ATG7: variants seen among roughly 807,000 people sequenced by gnomAD.
The protein encoded by ATG7 is ubiquitin-like modifier-activating enzyme ATG7.
In ATG7, 70 loss-of-function variants were observed where a neutral mutation model predicts 82.4. The observed-to-expected ratio is 0.85, with a 90% CI of 0.70 to 1.04. The LOEUF is 1.04. Among genes scored for constraint, ATG7 ranks in the 50% least tolerant of loss-of-function variants. The pLI is 0.00. For missense variants in ATG7, 792 were observed against 864.3 expected (o/e 0.92, Z 1.05); for synonymous variants, 287 against 313.0 (o/e 0.92, Z 0.88).
intron 3 of ATG7, among the ~76,000 whole-genome samples, chr3:11,284,446 C>T (rs1186468233): frequency 6.6e-6 from 1 of 152,156 alleles, no homozygotes; most frequent in Non-Finnish European, 1.5e-5. Context: ...TGCTTTTTAC[C>T]AAAGCTAAAT....
intron 9 of ATG7, among the ~76,000 whole-genome samples, chr3:11,316,508 G>T (rs1250785140): frequency 6.6e-6 from 1 of 152,164 alleles, no homozygotes; most frequent in Non-Finnish European, 1.5e-5. Context: ...TTATCATGGT[G>T]TGGCCATATA....
At chr3:11,341,985 C>T (rs1953715399) in intron 12 of ATG7, 150 bp from the exon 13 acceptor site, 6 of 940,766 alleles carry the variant, frequency 6.4e-6, no homozygotes, top group Middle Eastern at 3.4e-4. Flanking sequence ...AAGCTTTCTC[C>T]TCCCTGCTTA....
At chr3:11,361,972 G>A (rs1456497057) in intron 16 of ATG7, among the ~76,000 whole-genome samples, 2 of 152,156 alleles carry the variant, frequency 1.3e-5, no homozygotes, top group Non-Finnish European at 2.9e-5. Context: ...TCTTTTGGAT[G>A]ACTGGCTTTT....
chr3:11,303,609 A>C (rs1481321068), intron 5 of ATG7, among the ~76,000 whole-genome samples: 2 of 151,340 alleles, frequency 1.3e-5, no homozygotes. Context: ...CGGAGCTTGC[A>C]GTGAGCCGAG....
intron 6 of ATG7, 38 bp from the exon 7 acceptor site, chr3:11,308,946 C>T: frequency 6.4e-7 from 1 of 1,571,566 alleles, no homozygotes; most frequent in African/African-American, 1.3e-5. Context: ...CTCAGAGATG[C>T]CTGGTAACCT....
chr3:11,308,182 A>G (rs1948069065), intron 6 of ATG7, among the ~76,000 whole-genome samples: 1 of 152,178 alleles, frequency 6.6e-6, no homozygotes, highest in East Asian at 1.9e-4. Flanking sequence ...CTGCTTACTT[A>G]TTTCCCTCTT....
intron 5 of ATG7, among the ~76,000 whole-genome samples, chr3:11,302,692 C>T (rs1946980020): frequency 6.6e-6 from 1 of 152,160 alleles, no homozygotes; most frequent in African/African-American, 2.4e-5. Flanking sequence ...ACAGAATGTG[C>T]TAGGTGCTGG....
At chr3:11,299,480 C>T in intron 5 of ATG7, 64 bp downstream of exon 5, 2 of 1,507,526 alleles carry the variant, frequency 1.3e-6, no homozygotes, top group Admixed American at 1.7e-5. Context: ...AATAAGCATG[C>T]TTGCCTCCCT....
intron 20 of ATG7, among the ~76,000 whole-genome samples, chr3:11,554,530 G>A (rs983706656): frequency 6.6e-6 from 1 of 152,266 alleles, no homozygotes. Context: ...GGTCAGGGAC[G>A]GTCCCCCGAG....
At chr3:11,373,792 T>C (rs2077199701) in intron 18 of ATG7, among the ~76,000 whole-genome samples, 1 of 152,208 alleles carries the variant, frequency 6.6e-6, no homozygotes. Context: ...GTAAGTAAGG[T>C]GCAACTTCTG....
intron 2 of ATG7, among the ~76,000 whole-genome samples, chr3:11,281,429 G>A (rs778900973): frequency 7.2e-5 from 11 of 152,148 alleles, no homozygotes; most frequent in Non-Finnish European, 1.3e-4. Flanking sequence ...GCCTTTCCTG[G>A]GAGCAAAACT....
the ATG7 span, among the ~76,000 whole-genome samples, chr3:11,573,090 C>T: frequency 1.3e-5 from 2 of 151,566 alleles, no homozygotes; most frequent in Non-Finnish European, 2.9e-5. Context: ...CGGCTGAACC[C>T]GGGAGGCGGA....
chr3:11,567,325 G>A, the ATG7 span, among the ~76,000 whole-genome samples: 1 of 152,136 alleles, frequency 6.6e-6, no homozygotes, highest in Non-Finnish European at 1.5e-5. Context: ...GCCCTAAACC[G>A]AGTATATTGA....
chr3:11,512,608 G>C (rs1010096852), intron 20 of ATG7, among the ~76,000 whole-genome samples: 3 of 152,182 alleles, frequency 2.0e-5, no homozygotes, highest in African/African-American at 7.2e-5. Context: ...GGAGTTATTT[G>C]TTCCTCCTGG....
intron 20 of ATG7, among the ~76,000 whole-genome samples, chr3:11,472,248 T>A (rs980306350): frequency 6.6e-6 from 1 of 152,174 alleles, no homozygotes; most frequent in Non-Finnish European, 1.5e-5. Context: ...CCCTCTTGCC[T>A]GGGTTTTCCC....
At chr3:11,518,344 G>C (rs1053068068) in intron 20 of ATG7, among the ~76,000 whole-genome samples, 3 of 152,102 alleles carry the variant, frequency 2.0e-5, no homozygotes, top group Non-Finnish European at 4.4e-5. Flanking sequence ...CAAAGAGATC[G>C]AGACCAGCTT....
At chr3:11,534,374 G>A (rs1474904799) in intron 20 of ATG7, among the ~76,000 whole-genome samples, 3 of 152,236 alleles carry the variant, frequency 2.0e-5, no homozygotes, top group Non-Finnish European at 4.4e-5. Context: ...CATGATGGGC[G>A]TCGCCTCAGA....
chr3:11,486,017 T>C (rs552063315), intron 20 of ATG7, among the ~76,000 whole-genome samples: 56 of 152,322 alleles, frequency 3.7e-4, no homozygotes, highest in African/African-American at 1.2e-3. Flanking sequence ...ATTGACTTGG[T>C]GATGCGGGCT....
At chr3:11,375,063 G>T (rs2077310417) in intron 18 of ATG7, among the ~76,000 whole-genome samples, 1 of 149,120 alleles carries the variant, frequency 6.7e-6, no homozygotes, top group East Asian at 2.0e-4. Context: ...AAAATCAAAA[G>T]AATTAGCTGA....
Sources: gnomAD v4.1 joint callset for allele counts (sites outside exome capture counted in the v4.1 genomes callset) on GRCh38, gnomAD v4.1.1 for gene constraint, MANE v1.5 for transcripts, NCBI Gene and HGNC (gene_info 2026-07-23, HGNC 2026-07-21) for gene names.